OVCH1: variants seen among roughly 807,000 people sequenced by gnomAD.
The protein encoded by OVCH1 is ovochymase-1.
A neutral mutation model predicts 138.4 loss-of-function variants in OVCH1; 139 were observed. The observed-to-expected ratio is 1.00, with a 90% CI of 0.87 to 1.16. OVCH1 has a LOEUF of 1.16. Ranked by LOEUF, OVCH1 falls within the 50% of genes most tolerant of loss-of-function variation. The pLI is 0.00. For missense variants in OVCH1, 1,367 were observed against 1,357.9 expected (o/e 1.01, Z -0.11); for synonymous variants, 453 against 467.8 (o/e 0.97, Z 0.41).
intron 14 of OVCH1, among the ~76,000 whole-genome samples, chr12:29,473,930 G>T (rs570794496): frequency 6.6e-6 from 1 of 152,170 alleles, no homozygotes; most frequent in East Asian, 1.9e-4. Flanking sequence ...CTTCCATGCT[G>T]GATGCTTCCT....
intron 14 of OVCH1, among the ~76,000 whole-genome samples, chr12:29,474,088 CACACACACACACACACAT>C (rs1471427701): frequency 2.0e-5 from 3 of 150,114 alleles, no homozygotes; most frequent in African/African-American, 4.9e-5. Context: ...CACACACACA[CACACACACACACACACAT>C]ATATATATCT....
intron 22 of OVCH1, among the ~76,000 whole-genome samples, chr12:29,450,471 A>G (rs944954505): frequency 3.3e-5 from 5 of 152,216 alleles, no homozygotes; most frequent in African/African-American, 1.2e-4. Context: ...ATAAGATACC[A>G]TCTCACTCCA....
intron 18 of OVCH1, 52 bp downstream of exon 18, chr12:29,464,454 AT>A: frequency 6.4e-7 from 1 of 1,565,568 alleles, no homozygotes; most frequent in Non-Finnish European, 8.7e-7. Flanking sequence ...TACATGACCT[AT>A]TTTCAAAAAT....
In OVCH1 at chr12:29,465,137, A is replaced by G. The variant is rs1942271937; in HGVS notation, c.1929+10T>C. ...TACAGGCAGAATGACCTGTAAAAAC[A>G]TTTTTTCACCTGCTCTGTTGATTCC... On this transcript the variant is annotated intron_variant, in intron 17 of 27. Coordinates refer to ENST00000318184, the Ensembl canonical transcript of OVCH1. 2 of 1,591,242 alleles carry G rather than the reference A, an allele frequency of 1.3e-6. No individual in the cohort carries two copies. Among genetic ancestry groups the G allele is most frequent in the Admixed American group, 3.5e-5 (2 of 56,876 alleles).
At chr12:29,438,313 A>C (rs925393988) in intron 26 of OVCH1, among the ~76,000 whole-genome samples, 3 of 152,130 alleles carry the variant, frequency 2.0e-5, no homozygotes, top group Non-Finnish European at 2.9e-5. Flanking sequence ...TTCTTCTGAT[A>C]GTTTTAATTA....
At chr12:29,476,971 A>G in intron 12 of OVCH1, 131 bp downstream of exon 12, 1 of 888,188 alleles carries the variant, frequency 1.1e-6, no homozygotes, top group African/African-American at 1.7e-5. Context: ...TTTTCAGAGT[A>G]AAAAAAAATG....
chr12:29,410,461 C>A (rs1592018017), downstream of OVCH1, among the ~76,000 whole-genome samples: 17 of 150,500 alleles, frequency 1.1e-4, no homozygotes, highest in South Asian at 3.4e-3. Context: ...TTGTTCCTTT[C>A]CATGTTTAGT....
chr12:29,483,993 T>C (rs542823249), intron 8 of OVCH1, among the ~76,000 whole-genome samples: 170 of 152,344 alleles, frequency 1.1e-3, no homozygotes, highest in African/African-American at 3.9e-3. Flanking sequence ...TCTTGTAGTA[T>C]AGTTATTTTT....
chr12:29,455,278 A>G lies in OVCH1; in HGVS notation c.2408T>C (p.Phe803Ser), dbSNP rs1359457484. Residue 803 changes from phenylalanine to serine, a missense_variant, in exon 20 of 28, where the codon TTC (phenylalanine) becomes TCC (serine). Transcript: ENST00000318184. ...GATTTTTGATTGGATCCAGTCCAAGAAGATCATCACTCTGGCAAATACACC... is the reference window on the plus strand; with the variant it reads ...GATTTTTGATTGGATCCAGTCCAAGGAGATCATCACTCTGGCAAATACACC... The G allele has an allele frequency of 1.9e-6, 3 of 1,613,724 alleles. No homozygotes were observed. In the East Asian group the frequency reaches 6.7e-5, roughly 36 times the overall value.
chr12:29,465,335 A>G, intron 16 of OVCH1, 116 bp from the exon 17 acceptor site: 1 of 864,500 alleles, frequency 1.2e-6, no homozygotes, highest in South Asian at 2.0e-5. Context: ...GTTCTGAGGA[A>G]AAGAGGTTTA....
At chr12:29,418,624 C>T (rs1242129397) in intron 3 of OVCH1, among the ~76,000 whole-genome samples, 5 of 152,072 alleles carry the variant, frequency 3.3e-5, no homozygotes, top group African/African-American at 1.2e-4. Context: ...TACGTTTTTC[C>T]AGATGCAACA....
intron 3 of OVCH1, 70 bp from the exon 4 acceptor site, chr12:29,495,527 T>A: frequency 7.2e-7 from 1 of 1,379,594 alleles, no homozygotes; most frequent in Non-Finnish European, 1.0e-6. Context: ...TTGATGTAAT[T>A]AAATGAAAAG....
intron 3 of OVCH1, among the ~76,000 whole-genome samples, chr12:29,413,217 C>T (rs1033098047): frequency 6.6e-6 from 1 of 152,130 alleles, no homozygotes; most frequent in African/African-American, 2.4e-5. Flanking sequence ...ATCTATTACT[C>T]AAAAGGGATC....
chr12:29,420,937 A>G (rs1309018044), intron 3 of OVCH1, among the ~76,000 whole-genome samples: 2 of 152,232 alleles, frequency 1.3e-5, no homozygotes, highest in African/African-American at 4.8e-5. Flanking sequence ...GGGAGCATAA[A>G]CTTTAATGTT....
intron 18 of OVCH1, among the ~76,000 whole-genome samples, chr12:29,463,569 T>G (rs1942212497): frequency 6.6e-6 from 1 of 152,166 alleles, no homozygotes; most frequent in Non-Finnish European, 1.5e-5. Context: ...TGATTGTATG[T>G]GTAATGAGAA....
At chr12:29,409,454 A>C (rs7487752), downstream of OVCH1, among the ~76,000 whole-genome samples, 46,433 of 150,990 alleles carry the variant, frequency 0.31, 8,418 homozygotes, top group Middle Eastern at 0.52. Flanking sequence ...TAGTGCTATA[A>C]ATTTCCCTCT....
At position 29,451,467 on chromosome 12, in the gene OVCH1, C is replaced by CT; in HGVS notation, c.2632dup (p.Arg878LysfsTer13). 6.2e-7 allele frequency: 1 copy of CT among 1,613,374 alleles called. No individual in the cohort carries two copies. The highest frequency in any genetic ancestry group is 8.5e-7 in the Non-Finnish European group (1 of 1,179,592). On this transcript the variant is annotated frameshift_variant, in exon 22 of 28. Transcript: ENST00000318184. LOFTEE classifies it high-confidence loss of function. ...TTTTGCCATACTGCTTGCTGAAACTCTGAGCACCCAAGAACATTCCAGTCT... is the reference window on the plus strand; with the variant it reads ...TTTTGCCATACTGCTTGCTGAAACTCTTGAGCACCCAAGAACATTCCAGTCT...
downstream of OVCH1, among the ~76,000 whole-genome samples, chr12:29,407,700 G>A (rs1940901938): frequency 6.6e-6 from 1 of 152,038 alleles, no homozygotes; most frequent in Non-Finnish European, 1.5e-5. Context: ...TGCTGTTTTG[G>A]TTACTGTAGC....
intron 3 of OVCH1, among the ~76,000 whole-genome samples, chr12:29,415,345 T>C (rs1436315): frequency 0.31 from 46,510 of 152,128 alleles, 8,528 homozygotes; most frequent in Middle Eastern, 0.51. Context: ...TGCTAAATGG[T>C]ATTGAAATTG....
Sources: allele counts gnomAD v4.1 joint callset (sites outside exome capture counted in the v4.1 genomes callset), GRCh38; gene constraint gnomAD v4.1.1; transcripts MANE v1.5; gene names NCBI Gene and HGNC (gene_info 2026-07-23, HGNC 2026-07-21).